KCTD16: variants seen among roughly 807,000 people sequenced by gnomAD.
KCTD16 encodes potassium channel tetramerization domain containing 16.
A neutral mutation model predicts 33.2 loss-of-function variants in KCTD16; 13 were observed. That is an observed-to-expected ratio of 0.39 (90% CI 0.25 to 0.62). KCTD16 has a LOEUF of 0.62. KCTD16 is among the 20% of genes least tolerant of loss of function. KCTD16 has a pLI of 0.50. For synonymous variants in KCTD16, 197 were observed against 195.3 expected, an observed-to-expected ratio of 1.01 and a Z score of -0.07; for missense variants, 441 against 525.1, an observed-to-expected ratio of 0.84 and a Z score of 1.57.
chr5:144,331,260 G>T (rs1030229255), intron 3 of KCTD16, among the ~76,000 whole-genome samples: 13 of 152,074 alleles, frequency 8.5e-5, no homozygotes, highest in African/African-American at 2.2e-4. Flanking sequence ...ATGGTCTTTT[G>T]CTTTAAGCTA....
chr5:144,459,269 A>G (rs978022541), intron 3 of KCTD16, among the ~76,000 whole-genome samples: 6 of 152,166 alleles, frequency 3.9e-5, no homozygotes, highest in African/African-American at 1.4e-4. Context: ...AGAAGTCACT[A>G]TCATCTCTTG....
At chr5:144,317,413 T>C (rs1030870764) in intron 3 of KCTD16, among the ~76,000 whole-genome samples, 1 of 152,208 alleles carries the variant, frequency 6.6e-6, no homozygotes, top group Non-Finnish European at 1.5e-5. Context: ...TAGCTACTTA[T>C]TCAACAGTAG....
chr5:144,313,037 G>A (rs367790947), intron 3 of KCTD16, among the ~76,000 whole-genome samples: 68 of 152,304 alleles, frequency 4.5e-4, no homozygotes, highest in African/African-American at 1.4e-3. Flanking sequence ...AAAACCAAAC[G>A]AAGAGTGAAG....
chr5:144,453,363 T>G (rs1416481305), intron 3 of KCTD16, among the ~76,000 whole-genome samples: 1 of 152,104 alleles, frequency 6.6e-6, no homozygotes, highest in Non-Finnish European at 1.5e-5. Context: ...CCTCTAGTCT[T>G]CCTCTATCTT....
intron 2 of KCTD16, among the ~76,000 whole-genome samples, chr5:144,192,789 C>T (rs118188994): frequency 0.02 from 3,089 of 152,166 alleles, 208 homozygotes; most frequent in Admixed American, 0.14. Flanking sequence ...CCATTTTTTT[C>T]CCTTTCCTTA....
At chr5:144,315,307 T>G (rs1427618425) in intron 3 of KCTD16, among the ~76,000 whole-genome samples, 3 of 152,190 alleles carry the variant, frequency 2.0e-5, no homozygotes, top group Non-Finnish European at 4.4e-5. Flanking sequence ...ACAACAAATT[T>G]GTTTCACTTT....
At chr5:144,263,516 T>C (rs938559080) in intron 3 of KCTD16, among the ~76,000 whole-genome samples, 1 of 152,222 alleles carries the variant, frequency 6.6e-6, no homozygotes, top group African/African-American at 2.4e-5. Flanking sequence ...ATTATAATTA[T>C]TTTTAGTCTT....
At chr5:144,260,605 C>T (rs976955852) in intron 3 of KCTD16, among the ~76,000 whole-genome samples, 1 of 152,112 alleles carries the variant, frequency 6.6e-6, no homozygotes, top group Non-Finnish European at 1.5e-5. Context: ...TTGTTTATTG[C>T]TTCCTCCCAA....
At chr5:144,410,643 C>G (rs1375661217) in intron 3 of KCTD16, among the ~76,000 whole-genome samples, 1 of 152,088 alleles carries the variant, frequency 6.6e-6, no homozygotes, top group Non-Finnish European at 1.5e-5. Flanking sequence ...GGTCTTTATC[C>G]TCCTTGATCT....
intron 3 of KCTD16, among the ~76,000 whole-genome samples, chr5:144,341,165 A>G (rs2126898873): frequency 6.6e-6 from 1 of 152,296 alleles, no homozygotes; most frequent in South Asian, 2.1e-4. Context: ...TTAGCCATGC[A>G]ATATATGGTA....
intron 3 of KCTD16, among the ~76,000 whole-genome samples, chr5:144,411,750 C>T (rs1013312203): frequency 6.6e-6 from 1 of 152,030 alleles, no homozygotes; most frequent in African/African-American, 2.4e-5. Flanking sequence ...GAGAGACAAT[C>T]CATGTAATGG....
chr5:144,308,757 GGGGTGGGGTGGGGTA>G (rs1470651982), intron 3 of KCTD16, among the ~76,000 whole-genome samples: 1 of 69,146 alleles, frequency 1.4e-5, no homozygotes, highest in African/African-American at 8.6e-5. Context: ...CTCAGATTGT[GGGGTGGGGTGGGGTA>G]GGGTGGGTGC....
intron 3 of KCTD16, among the ~76,000 whole-genome samples, chr5:144,324,200 AG>A (rs1227797092): frequency 6.6e-6 from 1 of 152,156 alleles, no homozygotes; most frequent in African/African-American, 2.4e-5. Flanking sequence ...GTAACTAAAT[AG>A]TACCCCAGAC....
intron 3 of KCTD16, among the ~76,000 whole-genome samples, chr5:144,266,600 G>A (rs894980369): frequency 6.6e-6 from 1 of 152,148 alleles, no homozygotes; most frequent in South Asian, 2.1e-4. Flanking sequence ...GCACATCAAG[G>A]CTTTGACCAA....
chr5:144,315,315 T>G (rs1372162232), intron 3 of KCTD16, among the ~76,000 whole-genome samples: 1 of 152,214 alleles, frequency 6.6e-6, no homozygotes, highest in Non-Finnish European at 1.5e-5. Flanking sequence ...TTTGTTTCAC[T>G]TTTCTATCGT....
At chr5:144,464,959 A>G (rs1754287913) in intron 3 of KCTD16, among the ~76,000 whole-genome samples, 1 of 152,184 alleles carries the variant, frequency 6.6e-6, no homozygotes. Context: ...GATCTTGATT[A>G]TGAGTAAATC....
intron 3 of KCTD16, among the ~76,000 whole-genome samples, chr5:144,232,508 C>T (rs1398817195): frequency 6.6e-6 from 1 of 152,168 alleles, no homozygotes; most frequent in East Asian, 1.9e-4. Context: ...GTTTCCAGAG[C>T]CTTGGCTCTC....
intron 3 of KCTD16, among the ~76,000 whole-genome samples, chr5:144,393,889 TC>T (rs1181845045): frequency 6.6e-6 from 1 of 152,122 alleles, no homozygotes; most frequent in East Asian, 1.9e-4. Context: ...TTTAAAGCTC[TC>T]TAACAGGCTG....
chr5:144,223,529 G>A (rs932797439), intron 3 of KCTD16, among the ~76,000 whole-genome samples: 12 of 152,180 alleles, frequency 7.9e-5, no homozygotes, highest in Admixed American at 2.6e-4. Context: ...CCTGACTTGT[G>A]TAATAATTGT....
Sources: gnomAD v4.1 joint callset for allele counts (sites outside exome capture counted in the v4.1 genomes callset) on GRCh38, gnomAD v4.1.1 for gene constraint, MANE v1.5 for transcripts, NCBI Gene and HGNC (gene_info 2026-07-23, HGNC 2026-07-21) for gene names.